Variants in COL4A6 observed in about 807,000 individuals in gnomAD.
The protein encoded by COL4A6 is collagen type IV alpha 6 chain.
In COL4A6, 59 loss-of-function variants were observed where a neutral mutation model predicts 126.7. That is an observed-to-expected ratio of 0.47 (90% CI 0.38 to 0.58). The LOEUF is 0.58. Among genes scored for constraint, COL4A6 ranks in the 20% least tolerant of loss-of-function variants. COL4A6 has a pLI of 0.00. For missense variants in COL4A6, 1,285 were observed against 1,337.3 expected (o/e 0.96, Z 0.61); for synonymous variants, 547 against 496.6 (o/e 1.10, Z -1.35).
intron 2 of COL4A6, among the ~76,000 whole-genome samples, chrX:108,337,383 T>C: frequency 8.9e-6 from 1 of 112,202 alleles, no homozygotes; most frequent in East Asian, 2.8e-4. Flanking sequence ...ATGTCCACAA[T>C]TGGCCTCAAA....
chrX:108,289,869 G>A (rs2038116284), intron 3 of COL4A6, among the ~76,000 whole-genome samples: 3 of 112,131 alleles, frequency 2.7e-5, no homozygotes, highest in African/African-American at 9.7e-5. Flanking sequence ...GGCTTGCACT[G>A]GCCTGCATTG....
chrX:108,172,336 G>A (rs1443929742), intron 32 of COL4A6, 133 bp downstream of exon 32: 2 of 371,769 alleles, frequency 5.4e-6, no homozygotes, highest in Non-Finnish European at 8.3e-6. Context: ...GGTGACACTA[G>A]GTGACAGAGC....
Position 108,156,678 on chromosome X carries a change from G to A in COL4A6, c.*322C>T. 1 of 306,551 alleles carries A rather than the reference G, an allele frequency of 3.3e-6. No individual in the cohort carries two copies. Among genetic ancestry groups the A allele is most frequent in the African/African-American group, 2.6e-5 (1 of 38,416 alleles). The allele number at this position is 306,551 out of a possible 1,213,427, so 25.3% of individuals were successfully genotyped here. On this transcript the variant is annotated 3_prime_UTR_variant, in exon 45 of 45. Transcript: ENST00000334504. The stretch of plus-strand genomic sequence containing the variant: ...TAGGAAGAGCTTTCCGATCAAGACG[G>A]TAAGGAGAAAGCTAGCAGTCTAAGA...
At chrX:108,294,344 T>A (rs1452958705) in intron 3 of COL4A6, among the ~76,000 whole-genome samples, 1 of 110,536 alleles carries the variant, frequency 9.0e-6, no homozygotes, top group Non-Finnish European at 1.9e-5. Context: ...GTGTTTAAGA[T>A]CTTCATTGCA....
intron 8 of COL4A6, among the ~76,000 whole-genome samples, chrX:108,209,667 T>C (rs1569355221): frequency 8.9e-6 from 1 of 111,816 alleles, no homozygotes; most frequent in East Asian, 2.8e-4. Context: ...ACAGAAAACA[T>C]TTAGTAAGTG....
At chrX:108,180,490 G>C (rs1211276929) in intron 25 of COL4A6, 25 bp downstream of exon 25, 7 of 1,120,276 alleles carry the variant, frequency 6.2e-6, no homozygotes, top group Non-Finnish European at 8.6e-6. Context: ...AAGAGAAGCA[G>C]GTGAGGAGAC....
intron 7 of COL4A6, among the ~76,000 whole-genome samples, chrX:108,211,117 C>T (rs2035688619): frequency 8.9e-6 from 1 of 111,833 alleles, no homozygotes; most frequent in South Asian, 3.8e-4. Flanking sequence ...TATCAGGCAA[C>T]ACAGTCACAA....
chrX:108,263,837 GC>G (rs1272591856), intron 3 of COL4A6, among the ~76,000 whole-genome samples: 1 of 111,407 alleles, frequency 9.0e-6, no homozygotes, highest in Non-Finnish European at 1.9e-5. Context: ...CTGGCTTGGT[GC>G]AAGGATGGAT....
chrX:108,215,301 T>C (rs1190032420), intron 5 of COL4A6, among the ~76,000 whole-genome samples: 1 of 112,425 alleles, frequency 8.9e-6, no homozygotes, highest in South Asian at 3.7e-4. Flanking sequence ...TCTAGACTAC[T>C]GGACTCATGG....
At chrX:108,404,441 T>A (rs1459842027) in intron 2 of COL4A6, among the ~76,000 whole-genome samples, 1 of 111,590 alleles carries the variant, frequency 9.0e-6, no homozygotes, top group Non-Finnish European at 1.9e-5. Flanking sequence ...ATTATCTATA[T>A]CCTCGGTTTT....
At chrX:108,188,810 T>A in intron 20 of COL4A6, 133 bp from the exon 21 acceptor site, 1 of 641,514 alleles carries the variant, frequency 1.6e-6, no homozygotes, top group Non-Finnish European at 2.2e-6. Context: ...CACACTCAAA[T>A]GAACTTGGTT....
At chrX:108,420,977 T>C (rs1414539416) in intron 2 of COL4A6, among the ~76,000 whole-genome samples, 1 of 112,060 alleles carries the variant, frequency 8.9e-6, no homozygotes, top group Non-Finnish European at 1.9e-5. Context: ...GTTACAAGCT[T>C]TAGGAGATGA....
At chrX:108,279,374 C>A in intron 3 of COL4A6, among the ~76,000 whole-genome samples, 1 of 111,391 alleles carries the variant, frequency 9.0e-6, no homozygotes, top group African/African-American at 3.3e-5. Flanking sequence ...TTTAAACCAA[C>A]AAAGATCAAA....
At chrX:108,297,897 T>C (rs947855833) in intron 3 of COL4A6, among the ~76,000 whole-genome samples, 4 of 108,445 alleles carry the variant, frequency 3.7e-5, no homozygotes, top group African/African-American at 1.3e-4. Context: ...CCCTCTCCTG[T>C]CTTCTCCTTT....
At chrX:108,223,905 T>C (rs1454173972) in intron 3 of COL4A6, among the ~76,000 whole-genome samples, 1 of 111,379 alleles carries the variant, frequency 9.0e-6, no homozygotes, top group Non-Finnish European at 1.9e-5. Flanking sequence ...GTCAGGGCAC[T>C]GAATGCTTGA....
At chrX:108,192,966 T>C (rs977807277) in intron 17 of COL4A6, among the ~76,000 whole-genome samples, 1 of 112,317 alleles carries the variant, frequency 8.9e-6, no homozygotes, top group Non-Finnish European at 1.9e-5. Flanking sequence ...CTGTCAAATA[T>C]TAATACCAAA....
intron 2 of COL4A6, among the ~76,000 whole-genome samples, chrX:108,414,351 C>A (rs1237424006): frequency 9.0e-6 from 1 of 111,508 alleles, no homozygotes; most frequent in East Asian, 2.8e-4. Flanking sequence ...ATGTCCTTGG[C>A]TATGAACTGT....
chrX:108,405,237 C>A (rs764622730), intron 2 of COL4A6, among the ~76,000 whole-genome samples: 1 of 108,840 alleles, frequency 9.2e-6, no homozygotes, highest in African/African-American at 3.4e-5. Context: ...CTCCCTCTTT[C>A]CCCCAGGCTG....
intron 2 of COL4A6, among the ~76,000 whole-genome samples, chrX:108,425,248 G>A (rs28694826): frequency 9.3e-6 from 1 of 107,372 alleles, no homozygotes; most frequent in Non-Finnish European, 1.9e-5. Flanking sequence ...AGGAGAGAGA[G>A]GAGAGAGACA....
Sources: allele counts gnomAD v4.1 joint callset (sites outside exome capture counted in the v4.1 genomes callset), GRCh38; gene constraint gnomAD v4.1.1; transcripts MANE v1.5; gene names NCBI Gene and HGNC (gene_info 2026-07-23, HGNC 2026-07-21).